The following MNAT1 variants were observed in gnomAD, a reference collection of about 807,000 sequenced individuals.
MNAT1 encodes CDK-activating kinase assembly factor MAT1.
In MNAT1, 43 loss-of-function variants were observed where a neutral mutation model predicts 42.0. That is an observed-to-expected ratio of 1.02 (90% confidence interval 0.80 to 1.32). The LOEUF is 1.32. MNAT1 is among the 40% of genes most tolerant of loss of function. MNAT1 has a pLI of 0.00. For synonymous variants in MNAT1, 118 were observed against 120.0 expected (o/e 0.98, Z 0.11); for missense variants, 306 against 350.4 (o/e 0.87, Z 1.01).
intron 3 of MNAT1, among the ~76,000 whole-genome samples, chr14:60,799,737 A>ATGTGTG (rs147905766): frequency 2.0e-5 from 3 of 150,224 alleles, no homozygotes; most frequent in South Asian, 4.2e-4. Context: ...CTGCATATAT[A>ATGTGTG]TGTGTGTGTG....
At position 60,812,053 on chromosome 14, in the gene MNAT1, T is replaced by G; in HGVS notation, c.487T>G (p.Leu163Val). The G allele has an allele frequency of 7.5e-6, 12 of 1,606,428 alleles. No homozygotes were observed. Among genetic ancestry groups the G allele is most frequent in the Non-Finnish European group, 1.0e-5 (12 of 1,177,758 alleles). The change falls in exon 5 of 8, where the codon TTA (leucine) becomes GTA (valine). Residue 163 changes from leucine (L) to valine (V), a missense_variant. This residue lies in a region of MNAT1 where 118 missense variants were observed against 99.8 expected (regional missense o/e 1.18). Transcript: ENST00000261245. Reference protein sequence around the residue: ...VERQENEQRRLFIQKEEQLQQ... With the variant: ...VERQENEQRRVFIQKEEQLQQ... ...ACGACAGGAAAATGAACAAAGAAGA[T>G]TATTTATACAAAAAGAAGAACAACT...
At chr14:60,968,175 T>A (rs1430646029) in intron 7 of MNAT1, 54 bp from the exon 8 acceptor site, 2 of 1,327,958 alleles carry the variant, frequency 1.5e-6, no homozygotes, top group African/African-American at 3.0e-5. Context: ...TTTAAAATGT[T>A]ACCTATTTAT....
At chr14:60,798,632 T>C (rs1594761443) in intron 3 of MNAT1, among the ~76,000 whole-genome samples, 1 of 152,180 alleles carries the variant, frequency 6.6e-6, no homozygotes, top group Admixed American at 6.5e-5. Flanking sequence ...TTAATCAGTA[T>C]TATTCTGGAA....
chr14:60,963,128 CG>C (rs1555339409), intron 7 of MNAT1, among the ~76,000 whole-genome samples: 2 of 152,042 alleles, frequency 1.3e-5, no homozygotes, highest in Non-Finnish European at 2.9e-5. Context: ...ATTACAGGTG[CG>C]TGCCACCACG....
At chr14:60,767,766 A>AT (rs61077085) in intron 1 of MNAT1, among the ~76,000 whole-genome samples, 1 of 150,936 alleles carries the variant, frequency 6.6e-6, no homozygotes, top group African/African-American at 2.4e-5. Context: ...ACACTTGGCT[A>AT]TTTTTTTTGT....
chr14:60,785,025 G>A (rs1464070987), intron 1 of MNAT1, among the ~76,000 whole-genome samples: 1 of 151,794 alleles, frequency 6.6e-6, no homozygotes, highest in African/African-American at 2.4e-5. Context: ...GCTAATTTTT[G>A]TATTTTTAGT....
chr14:60,769,515 C>G (rs570255140), intron 1 of MNAT1, among the ~76,000 whole-genome samples: 69 of 152,060 alleles, frequency 4.5e-4, no homozygotes, highest in African/African-American at 1.6e-3. Flanking sequence ...AACTCCTGGG[C>G]TCAAGTGAGC....
intron 6 of MNAT1, among the ~76,000 whole-genome samples, chr14:60,837,972 T>G (rs2033439073): frequency 6.6e-6 from 1 of 152,302 alleles, no homozygotes; most frequent in East Asian, 1.9e-4. Flanking sequence ...CCTTTGTAAG[T>G]TGGGAAATTC....
In MNAT1 at chr14:60,900,287, G is replaced by A. The variant is rs147776159; in HGVS notation, c.809+20452G>A. Reference sequence around the variant, plus strand: ...AAAGCTAGACCTCTTGTGCCAAACAGCCAAGTTGTGAATGCAGAGGAAAAG... The same window carrying A: ...AAAGCTAGACCTCTTGTGCCAAACAACCAAGTTGTGAATGCAGAGGAAAAG... On this transcript the variant is annotated intron_variant, in intron 7 of 7. Coordinates refer to ENST00000261245, the MANE Select transcript of MNAT1 (RefSeq NM_002431.4). Among the ~76,000 whole-genome samples the A allele has an allele frequency of 6.0e-3, 920 of 152,276 alleles. 5 individuals are homozygous for A. Among genetic ancestry groups the A allele is most frequent in the Admixed American group, 8.8e-3 (134 of 15,292 alleles).
rs986858657 is a variant in MNAT1, at chr14:60,765,294, G to A, written c.89+30343G>A. Among the ~76,000 whole-genome samples, 3 of 152,110 alleles carry A rather than the reference G, an allele frequency of 2.0e-5. 1 individual carries two copies. The highest frequency in any genetic ancestry group is 3.9e-4 in the East Asian group (2 of 5,170). On this transcript the variant is annotated intron_variant, in intron 1 of 7. Coordinates refer to ENST00000261245, the MANE Select transcript of MNAT1 (RefSeq NM_002431.4). ...AACAGAGACTCCATCTCAAACAAACGTCTCACTCATAAGTGGGAGTTGAAT... is the reference window on the plus strand; with the variant it reads ...AACAGAGACTCCATCTCAAACAAACATCTCACTCATAAGTGGGAGTTGAAT...
intron 4 of MNAT1, chr14:60,808,981 T>G (rs2032461692): frequency 6.6e-6 from 1 of 152,182 alleles, no homozygotes. Context: ...TAGATATAAA[T>G]ATGATTTTGG....
intron 1 of MNAT1, among the ~76,000 whole-genome samples, chr14:60,750,457 C>A (rs904792109): frequency 6.6e-6 from 1 of 150,850 alleles, no homozygotes; most frequent in East Asian, 1.9e-4. Context: ...GTCTCGATCT[C>A]CTGACCTCGT....
chr14:60,805,935 T>C (rs2032354693), intron 3 of MNAT1, among the ~76,000 whole-genome samples: 1 of 152,190 alleles, frequency 6.6e-6, no homozygotes, highest in South Asian at 2.1e-4. Flanking sequence ...GTATGTTTAG[T>C]TTTGTTAGAA....
rs559749905 is a variant in MNAT1, at chr14:60,908,720, CATT to C, written c.809+28886_809+28888del. ...GCCACATTTTCTTAATCCAGTCTAT[CATT>C]GTTGGACATTTGGCTTAGTTCCAAG... is the stretch of plus-strand genomic sequence containing the variant. On this transcript the variant is annotated intron_variant, in intron 7 of 7. Transcript: ENST00000261245. Among the ~76,000 whole-genome samples, 1,135 of 152,294 alleles carry C rather than the reference CATT, an allele frequency of 7.5e-3. 7 individuals carry two copies. Among genetic ancestry groups the C allele is most frequent in the Middle Eastern group, 0.02 (6 of 294 alleles).
intron 7 of MNAT1, among the ~76,000 whole-genome samples, chr14:60,890,747 T>C (rs1175497773): frequency 1.3e-5 from 2 of 152,196 alleles, no homozygotes; most frequent in Non-Finnish European, 2.9e-5. Context: ...ACTCAGCAAG[T>C]CTGCTCTTTC....
At chr14:60,807,966 T>C (rs1387703684) in intron 3 of MNAT1, among the ~76,000 whole-genome samples, 1 of 152,108 alleles carries the variant, frequency 6.6e-6, no homozygotes, top group Non-Finnish European at 1.5e-5. Context: ...CTGATTCTTG[T>C]AGTAGATTCC....
chr14:60,851,601 G>A (rs747576037), intron 6 of MNAT1, among the ~76,000 whole-genome samples: 3 of 151,970 alleles, frequency 2.0e-5, no homozygotes, highest in Admixed American at 6.6e-5. Context: ...TGTTACGTAG[G>A]TACACATGTG....
At chr14:60,878,553 T>A (rs773211380) in intron 6 of MNAT1, among the ~76,000 whole-genome samples, 3 of 152,092 alleles carry the variant, frequency 2.0e-5, no homozygotes, top group Non-Finnish European at 4.4e-5. Context: ...TCCTAGGTAT[T>A]TTTCTGCTAA....
At chr14:60,746,382 G>A (rs1007396325) in intron 1 of MNAT1, among the ~76,000 whole-genome samples, 2 of 151,874 alleles carry the variant, frequency 1.3e-5, no homozygotes, top group Non-Finnish European at 2.9e-5. Flanking sequence ...AGGCGTGGTG[G>A]GTCATGCCTG....
Sources: gnomAD v4.1 joint callset for allele counts (sites outside exome capture counted in the v4.1 genomes callset) on GRCh38, gnomAD v4.1.1 for gene constraint, gnomAD v4.1.1 regional missense constraint, MANE v1.5 for transcripts, NCBI Gene and HGNC (gene_info 2026-07-23, HGNC 2026-07-21) for gene names.